Variants in EPHA6 observed in about 807,000 individuals in gnomAD.
The protein encoded by EPHA6 is EPH receptor A6.
EPHA6 carries 50 observed loss-of-function variants against 112.0 expected under a neutral mutation model. The observed-to-expected ratio is 0.45, with a 90% confidence interval of 0.36 to 0.56. The LOEUF (loss-of-function observed/expected upper bound fraction) is 0.56. Ranked by LOEUF, EPHA6 falls within the 20% of genes least tolerant of loss-of-function variation. The probability of loss-of-function intolerance (pLI) is 0.00; values close to 1 mark genes in which losing one functional copy is unlikely to be tolerated. For missense variants in EPHA6, 1,280 were observed against 1,417.4 expected (o/e 0.90, Z 1.56); for synonymous variants, 529 against 490.7 (o/e 1.08, Z -1.03).
At chr3:97,481,138 A>T (rs1020681906) in intron 9 of EPHA6, 1 of 674,042 alleles carries the variant, frequency 1.5e-6, no homozygotes, top group Admixed American at 2.0e-5. Context: ...TGGGAGGTGG[A>T]GGTTGTAGAG....
intron 3 of EPHA6, among the ~76,000 whole-genome samples, chr3:97,212,679 T>C (rs762600860): frequency 5.3e-5 from 8 of 152,230 alleles, no homozygotes; most frequent in Non-Finnish European, 1.2e-4. Flanking sequence ...GTGCTTTTTT[T>C]CAAATCATCT....
intron 2 of EPHA6, among the ~76,000 whole-genome samples, chr3:96,927,939 G>T (rs2040123229): frequency 6.6e-6 from 1 of 152,124 alleles, no homozygotes; most frequent in Non-Finnish European, 1.5e-5. Context: ...TTTAACTCAT[G>T]GCAGAAGGGG....
intron 6 of EPHA6, among the ~76,000 whole-genome samples, chr3:97,447,049 C>A (rs1195594511): frequency 6.6e-6 from 1 of 151,924 alleles, no homozygotes; most frequent in African/African-American, 2.4e-5. Flanking sequence ...GTTTAATAAG[C>A]AGTTTTATTA....
At chr3:97,714,656 G>A (rs1428125523) in intron 14 of EPHA6, among the ~76,000 whole-genome samples, 2 of 152,194 alleles carry the variant, frequency 1.3e-5, no homozygotes, top group Non-Finnish European at 2.9e-5. Flanking sequence ...AAGAGTAAGA[G>A]GACTATCCCC....
intron 3 of EPHA6, among the ~76,000 whole-genome samples, chr3:97,179,781 A>G (rs2076938484): frequency 1.4e-5 from 2 of 140,530 alleles, no homozygotes; most frequent in Non-Finnish European, 3.0e-5. Context: ...TTAAAGCTGG[A>G]GGTGGGGTGT....
chr3:97,216,252 G>C lies in EPHA6; in HGVS notation c.1115-10012G>C, dbSNP rs766384586. 8.1e-4 allele frequency among the ~76,000 whole-genome samples: 123 copies of C among 152,216 alleles called. 1 individual carries two copies. The Middle Eastern group carries it at 0.017, about 21-fold the overall frequency. ...ATCACATGGTGTGAGCAGGAGCAAG[G>C]GGTGGGGAGGTTGTGGTCCTAGACT... On this transcript the variant is annotated intron_variant, in intron 3 of 17. Transcript: ENST00000389672.
intron 12 of EPHA6, 33 bp from the exon 13 acceptor site, chr3:97,610,760 C>G (rs758015949): frequency 1.7e-5 from 26 of 1,571,988 alleles, no homozygotes; most frequent in Non-Finnish European, 2.2e-5. Context: ...TGTAATTGCT[C>G]TAATCCATGT....
chr3:97,070,852 A>G (rs933698048), intron 3 of EPHA6, among the ~76,000 whole-genome samples: 1 of 152,108 alleles, frequency 6.6e-6, no homozygotes, highest in Non-Finnish European at 1.5e-5. Context: ...TCATATAGTG[A>G]ATCTGATCTC....
intron 14 of EPHA6, among the ~76,000 whole-genome samples, chr3:97,681,166 C>A (rs2031832483): frequency 6.6e-6 from 1 of 152,004 alleles, no homozygotes; most frequent in Non-Finnish European, 1.5e-5. Flanking sequence ...AAAATGCAAA[C>A]TAAAACAAAA....
At chr3:96,883,035 T>C (rs187487543) in intron 2 of EPHA6, among the ~76,000 whole-genome samples, 56 of 152,282 alleles carry the variant, frequency 3.7e-4, no homozygotes, top group African/African-American at 1.2e-3. Context: ...CTAGTTTGTA[T>C]TCCCACCAGC....
At chr3:97,019,552 G>GT (rs1177238672) in intron 3 of EPHA6, among the ~76,000 whole-genome samples, 1 of 152,092 alleles carries the variant, frequency 6.6e-6, no homozygotes, top group African/African-American at 2.4e-5. Flanking sequence ...TTCTCACTGT[G>GT]TTGTAGCCTG....
chr3:96,919,025 C>G (rs981419546), intron 2 of EPHA6, among the ~76,000 whole-genome samples: 5 of 151,866 alleles, frequency 3.3e-5, no homozygotes, highest in African/African-American at 1.2e-4. Context: ...TAAGCATATG[C>G]TGTCACAATT....
At chr3:97,288,232 C>T (rs2080543800) in intron 5 of EPHA6, among the ~76,000 whole-genome samples, 1 of 152,040 alleles carries the variant, frequency 6.6e-6, no homozygotes, top group Non-Finnish European at 1.5e-5. Context: ...TCCTTGTTCC[C>T]CTTCCTTCCT....
intron 12 of EPHA6, 29 bp from the exon 13 acceptor site, chr3:97,610,764 T>C (rs778078699): frequency 6.3e-7 from 1 of 1,582,986 alleles, no homozygotes; most frequent in Non-Finnish European, 8.7e-7. Context: ...ATTGCTCTAA[T>C]CCATGTGTAT....
At chr3:97,223,554 A>G (rs1033443093) in intron 3 of EPHA6, among the ~76,000 whole-genome samples, 1 of 152,166 alleles carries the variant, frequency 6.6e-6, no homozygotes, top group African/African-American at 2.4e-5. Context: ...AAGCAGAGTC[A>G]CTGGGGGTGG....
intron 3 of EPHA6, among the ~76,000 whole-genome samples, chr3:97,183,904 CT>C (rs1314213036): frequency 3.9e-5 from 6 of 152,254 alleles, no homozygotes; most frequent in African/African-American, 1.4e-4. Flanking sequence ...GATTTGCTCA[CT>C]TCCTTAGTTC....
intron 16 of EPHA6, among the ~76,000 whole-genome samples, chr3:97,744,738 C>A (rs183940491): frequency 7.2e-5 from 11 of 152,082 alleles, no homozygotes; most frequent in Admixed American, 3.3e-4. Flanking sequence ...TACATTTCCA[C>A]TCACCAAATA....
chr3:96,816,762 C>T (rs891507621), intron 1 of EPHA6, among the ~76,000 whole-genome samples: 1 of 151,966 alleles, frequency 6.6e-6, no homozygotes, highest in Non-Finnish European at 1.5e-5. Context: ...CTACAAATGA[C>T]CCTAAAGTGC....
chr3:97,341,288 G>C (rs982352239), intron 5 of EPHA6, among the ~76,000 whole-genome samples: 1 of 152,036 alleles, frequency 6.6e-6, no homozygotes, highest in Admixed American at 6.6e-5. Context: ...CTAAAAAAAA[G>C]CAAATTAGAA....
Sources: allele counts gnomAD v4.1 joint callset (sites outside exome capture counted in the v4.1 genomes callset), GRCh38; gene constraint gnomAD v4.1.1; transcripts MANE v1.5; gene names NCBI Gene and HGNC (gene_info 2026-07-23, HGNC 2026-07-21).